MPPED2: variants seen among roughly 807,000 people sequenced by gnomAD.
MPPED2 encodes metallophosphoesterase domain containing 2, also known as metallophosphoesterase MPPED2.
In MPPED2, 5 loss-of-function variants were observed where a neutral mutation model predicts 33.0. The ratio of observed to expected loss-of-function variants is 0.15; its 90% CI spans 0.08 to 0.32. MPPED2 has a LOEUF of 0.32. Ranked by LOEUF, MPPED2 falls within the 10% of genes least tolerant of loss-of-function variation. MPPED2 has a pLI of 1.00. For missense variants in MPPED2, 275 were observed against 372.1 expected (o/e 0.74, Z 2.15); for synonymous variants, 136 against 141.9 (o/e 0.96, Z 0.29).
chr11:30,498,176 G>A (rs1952370073), intron 3 of MPPED2, among the ~76,000 whole-genome samples: 1 of 151,592 alleles, frequency 6.6e-6, no homozygotes, highest in African/African-American at 2.4e-5. Context: ...AGAGGTGCCT[G>A]CCTTTTTCCA....
rs191723954 is a variant in MPPED2 at position 30,431,196 on chromosome 11, T to C, written c.537-13563A>G. Among the ~76,000 whole-genome samples the C allele has an allele frequency of 3.9e-5, 6 of 152,276 alleles. 1 individual carries two copies. The highest frequency in any genetic ancestry group is 1.4e-4 in the African/African-American group (6 of 41,560). On this transcript the variant is annotated intron_variant, in intron 4 of 6. Transcript: ENST00000358117. ...CCTAAGCTTTCCTGGATTATTACGA[T>C]AAAAAGGCAGACTAGAGACCAGCCT...
At chr11:30,530,253 G>A (rs1378551231) in intron 3 of MPPED2, among the ~76,000 whole-genome samples, 2 of 152,152 alleles carry the variant, frequency 1.3e-5, no homozygotes, top group Non-Finnish European at 2.9e-5. Flanking sequence ...GAAGGATTAG[G>A]CACTATACAT....
chr11:30,410,599 ATG>A lies in MPPED2; in HGVS notation c.*867_*868del, dbSNP rs1470289958. On this transcript the variant is annotated 3_prime_UTR_variant, in exon 7 of 7. Transcript: ENST00000358117. Reference sequence around the variant, plus strand: ...CTTTAAGACCTTGAGCTCTGAGAGAATGTGTCAGTTCCTTCCGACTTCTGATG... The same window carrying A: ...CTTTAAGACCTTGAGCTCTGAGAGAATGTCAGTTCCTTCCGACTTCTGATG... 2.0e-6 allele frequency: 2 copies of A among 985,694 alleles called. No homozygotes were observed. Among genetic ancestry groups the A allele is most frequent in the South Asian group, 4.7e-5 (1 of 21,288 alleles). 61.1% of individuals were successfully genotyped at this position (985,694 alleles called of 1,614,324 possible).
At chr11:30,445,596 G>A (rs72883899) in intron 4 of MPPED2, among the ~76,000 whole-genome samples, 306 of 152,230 alleles carry the variant, frequency 2.0e-3, no homozygotes, top group Non-Finnish European at 3.6e-3. Context: ...CCGAAACTAC[G>A]CATTAAATGA....
intron 4 of MPPED2, among the ~76,000 whole-genome samples, chr11:30,425,085 G>A (rs1948774287): frequency 6.6e-6 from 1 of 152,146 alleles, no homozygotes; most frequent in Non-Finnish European, 1.5e-5. Flanking sequence ...AAGAGATATT[G>A]TTTTGATAAA....
chr11:30,487,229 C>T (rs1157905343), intron 4 of MPPED2, among the ~76,000 whole-genome samples: 1 of 152,220 alleles, frequency 6.6e-6, no homozygotes, highest in Non-Finnish European at 1.5e-5. Flanking sequence ...AGCCATGTCC[C>T]AAAGTGGAGG....
chr11:30,413,477 G>A (rs1468012463), intron 6 of MPPED2, among the ~76,000 whole-genome samples: 2 of 152,146 alleles, frequency 1.3e-5, no homozygotes, highest in African/African-American at 4.8e-5. Flanking sequence ...GAAAAAGGCA[G>A]GTCGGAGAAA....
chr11:30,547,420 A>G (rs1270501003), intron 2 of MPPED2, among the ~76,000 whole-genome samples: 1 of 152,164 alleles, frequency 6.6e-6, no homozygotes, highest in Non-Finnish European at 1.5e-5. Flanking sequence ...TTTCTAAATT[A>G]TTACCTTTAA....
intron 5 of MPPED2, 65 bp downstream of exon 5, chr11:30,417,453 C>G: frequency 1.2e-6 from 1 of 805,688 alleles, no homozygotes; most frequent in Non-Finnish European, 2.1e-6. Flanking sequence ...GTCCCTGAAG[C>G]ATTATTCATT....
rs908776390 is a variant in MPPED2 at position 30,511,936 on chromosome 11, T to C, written c.311-16415A>G. ...TACTCTGAACGTCAATTACTGTTGTTGTCCTTGTGGTTATTGTCTGGGTGT... is the reference window on the plus strand; with the variant it reads ...TACTCTGAACGTCAATTACTGTTGTCGTCCTTGTGGTTATTGTCTGGGTGT... On this transcript the variant is annotated intron_variant, in intron 3 of 6. Transcript: ENST00000358117. 3.9e-5 allele frequency among the ~76,000 whole-genome samples: 6 copies of C among 152,344 alleles called. No homozygotes were observed. The East Asian group carries it at 1.2e-3, about 29-fold the overall frequency.
chr11:30,396,615 C>T lies in MPPED2; in HGVS notation c.767-7659G>A, dbSNP rs927086585. 6.6e-5 allele frequency among the ~76,000 whole-genome samples: 10 copies of T among 152,280 alleles called. No homozygotes were observed. In the South Asian group the frequency reaches 1.9e-3, roughly 28 times the overall value. On this transcript the variant is annotated intron_variant, in intron 6 of 6. Transcript: ENST00000448418. ...AGCTCATAGTCACACCTTCCTACAT[C>T]TGATCAGCTTCCACTCTTTTTTTCC...
chr11:30,401,456 T>C (rs1335152110), intron 6 of MPPED2, among the ~76,000 whole-genome samples: 4 of 152,188 alleles, frequency 2.6e-5, no homozygotes, highest in Admixed American at 6.5e-5. Flanking sequence ...TTCCTTTAAG[T>C]GCAAGTCACT....
At chr11:30,406,730 C>G (rs749613678), downstream of MPPED2, among the ~76,000 whole-genome samples, 1 of 152,172 alleles carries the variant, frequency 6.6e-6, no homozygotes, top group East Asian at 1.9e-4. Flanking sequence ...GGTCCTGGGG[C>G]CTTCCGTGAA....
rs1347476117 is a variant in MPPED2, at chr11:30,500,436, C to A, written c.311-4915G>T. 2.0e-5 allele frequency among the ~76,000 whole-genome samples: 3 copies of A among 152,142 alleles called. No individual in the cohort carries two copies. The East Asian group carries it at 5.8e-4, about 29-fold the overall frequency. On this transcript the variant is annotated intron_variant, in intron 3 of 6. Transcript: ENST00000358117. ...TTACTGTGCTTCTCACATTTCTATT[C>A]CTAATGATTCGATTTTAAAACTATT...
chr11:30,536,240 A>G (rs1954803193), intron 2 of MPPED2, 65 bp from the exon 3 acceptor site: 1 of 1,341,468 alleles, frequency 7.5e-7, no homozygotes, highest in Non-Finnish European at 9.8e-7. Flanking sequence ...TTGTCGTCGC[A>G]CATACATATT....
intron 4 of MPPED2, among the ~76,000 whole-genome samples, chr11:30,431,605 G>A (rs1417328316): frequency 1.3e-5 from 2 of 152,184 alleles, no homozygotes; most frequent in African/African-American, 2.4e-5. Flanking sequence ...AAAGCAGATG[G>A]TGGAAACTGC....
At chr11:30,461,381 G>T (rs1311736623) in intron 4 of MPPED2, among the ~76,000 whole-genome samples, 1 of 152,024 alleles carries the variant, frequency 6.6e-6, no homozygotes, top group Non-Finnish European at 1.5e-5. Flanking sequence ...TTTATGTTAT[G>T]TATATTTTAC....
intron 2 of MPPED2, 87 bp from the exon 3 acceptor site, chr11:30,536,262 G>C: frequency 4.2e-6 from 5 of 1,183,592 alleles, no homozygotes; most frequent in Non-Finnish European, 5.6e-6. Context: ...ATTATTATTC[G>C]TGAATGCACC....
Position 30,410,642 on chromosome 11 carries a change from T to G in MPPED2, c.*826A>C. The G allele has an allele frequency of 1.0e-6, 1 of 985,700 alleles. No homozygotes were observed. The highest frequency in any genetic ancestry group is 1.2e-6 in the Non-Finnish European group (1 of 829,830). The allele number at this position is 985,700 out of a possible 1,614,324, so 61.1% of individuals were successfully genotyped here. A position where few individuals can be genotyped will look rare whatever the true frequency, so the allele number is the denominator to read the frequency against. On this transcript the variant is annotated 3_prime_UTR_variant, in exon 7 of 7. Coordinates refer to ENST00000358117, the MANE Select transcript of MPPED2 (RefSeq NM_001584.3). Reference sequence around the variant, plus strand: ...ACTTCTGATGTGTTGCTATACAGCATCCCTTTGCAGTTGTACTGTCCTTGA... The same window carrying G: ...ACTTCTGATGTGTTGCTATACAGCAGCCCTTTGCAGTTGTACTGTCCTTGA...
Sources: allele counts gnomAD v4.1 joint callset (sites outside exome capture counted in the v4.1 genomes callset), GRCh38; gene constraint gnomAD v4.1.1; transcripts MANE v1.5; gene names NCBI Gene and HGNC (gene_info 2026-07-23, HGNC 2026-07-21).